Variants in LNP1 observed in about 807,000 individuals in gnomAD.
LNP1 encodes the protein leukemia NUP98 fusion partner 1.
In LNP1, 12 loss-of-function variants were observed where a neutral mutation model predicts 14.5. The observed-to-expected ratio is 0.83, with a 90% confidence interval of 0.53 to 1.34. LNP1 has a LOEUF of 1.34. Among genes scored for constraint, LNP1 ranks in the 40% most tolerant of loss-of-function variants. The pLI is 0.00. For missense variants in LNP1, 198 were observed against 210.9 expected, an observed-to-expected ratio of 0.94 and a Z score of 0.38; for synonymous variants, 75 against 71.4, an observed-to-expected ratio of 1.05 and a Z score of -0.26.
At position 100,421,825 on chromosome 3, in the gene LNP1, G is replaced by C. The variant is rs181321498; in HGVS notation, c.-33-7872G>C. Among the ~76,000 whole-genome samples, 190 of 152,216 alleles carry C rather than the reference G, an allele frequency of 1.2e-3. 1 individual carries two copies. The highest frequency in any genetic ancestry group is 2.0e-3 in the Non-Finnish European group (133 of 67,996). ...CATGTGATATTTGATCCTCAGAAAA[G>C]AATGTTATGGAGGTTCAAGTTTTTT... On this transcript the variant is annotated intron_variant, in intron 1 of 3. Transcript: ENST00000383693.
chr3:100,444,976 A>G (rs1707375213), intron 2 of LNP1, among the ~76,000 whole-genome samples: 1 of 152,156 alleles, frequency 6.6e-6, no homozygotes, highest in African/African-American at 2.4e-5. Context: ...TTGATGATTA[A>G]TTTATAGGGG....
rs966731010 is a variant in LNP1 at position 100,455,968 on chromosome 3, G to A, written c.*42G>A. 1 of 1,566,806 alleles carries A rather than the reference G, an allele frequency of 6.4e-7. No individual in the cohort carries two copies. On this transcript the variant is annotated 3_prime_UTR_variant, in exon 4 of 4. Transcript: ENST00000383693. Reference sequence around the variant, plus strand: ...CATGACATCAGATGCTACTGTTTTGGTTTTTTTCTTTGAGCCCCAATTCAC... The same window carrying A: ...CATGACATCAGATGCTACTGTTTTGATTTTTTTCTTTGAGCCCCAATTCAC...
chr3:100,412,096 A>G (rs1707036970), intron 1 of LNP1, among the ~76,000 whole-genome samples: 1 of 152,140 alleles, frequency 6.6e-6, no homozygotes, highest in African/African-American at 2.4e-5. Flanking sequence ...GCATGCTGAG[A>G]AGTATGGCGC....
intron 1 of LNP1, among the ~76,000 whole-genome samples, chr3:100,408,247 G>A (rs1706990103): frequency 6.6e-6 from 1 of 152,216 alleles, no homozygotes; most frequent in Non-Finnish European, 1.5e-5. Flanking sequence ...CTAACAGTAA[G>A]CCTGTCCAGA....
intron 1 of LNP1, among the ~76,000 whole-genome samples, chr3:100,411,910 T>C (rs1411442039): frequency 2.6e-5 from 4 of 152,144 alleles, no homozygotes; most frequent in Non-Finnish European, 5.9e-5. Context: ...CAGTCCATAA[T>C]AGTTAGCATA....
chr3:100,437,129 C>A (rs562185496), intron 2 of LNP1, among the ~76,000 whole-genome samples: 17 of 152,180 alleles, frequency 1.1e-4, no homozygotes, highest in Non-Finnish European at 2.1e-4. Flanking sequence ...ATTTTCATAA[C>A]AAGCATCATC....
chr3:100,410,028 T>A (rs1707014507), intron 1 of LNP1, among the ~76,000 whole-genome samples: 1 of 152,120 alleles, frequency 6.6e-6, no homozygotes, highest in Non-Finnish European at 1.5e-5. Flanking sequence ...ATAATTAGTC[T>A]TGTTTCTCTG....
At chr3:100,447,668 A>G (rs1707401186) in intron 2 of LNP1, among the ~76,000 whole-genome samples, 1 of 152,120 alleles carries the variant, frequency 6.6e-6, no homozygotes, top group Admixed American at 6.6e-5. Flanking sequence ...ACATGCTTAG[A>G]TTTTCTGGTT....
chr3:100,420,455 G>A (rs1157130611), intron 1 of LNP1, among the ~76,000 whole-genome samples: 2 of 152,096 alleles, frequency 1.3e-5, no homozygotes, highest in Non-Finnish European at 2.9e-5. Flanking sequence ...GGGACTACAG[G>A]TGCATGCCAC....
chr3:100,430,585 G>A (rs938795279), intron 2 of LNP1, among the ~76,000 whole-genome samples: 1 of 152,224 alleles, frequency 6.6e-6, no homozygotes, highest in African/African-American at 2.4e-5. Context: ...GTAGACATGT[G>A]TGTCCTGTGC....
chr3:100,444,860 A>G lies in LNP1; in HGVS notation c.157-6859A>G, dbSNP rs188866328. On this transcript the variant is annotated intron_variant, in intron 2 of 3. Transcript: ENST00000383693. ...AAGATATACCTTCCATAAGCCTTTG[A>G]AAACCTTTATAACCTTTATTAAGGC... 4.3e-3 allele frequency among the ~76,000 whole-genome samples: 659 copies of G among 152,368 alleles called. 2 individuals carry two copies. The highest frequency in any genetic ancestry group is 0.015 in the African/African-American group (626 of 41,586).
At position 100,451,832 on chromosome 3, in the gene LNP1, G is replaced by GCCACTCA; in HGVS notation, c.270_271insCCACTCA (p.Asp91ProfsTer21). ...TACGGGATTACAGAAAATACTCAGA[G>GCCACTCA]GATGGGTCATTCAAGGAGCCACTGG... On this transcript the variant is annotated frameshift_variant, in exon 3 of 4. Transcript: ENST00000383693. LOFTEE classifies it high-confidence loss of function. The GCCACTCA allele has an allele frequency of 1.7e-6, 2 of 1,165,012 alleles. No homozygotes were observed. The highest frequency in any genetic ancestry group is 3.5e-5 in the South Asian group (2 of 57,936). The allele number at this position is 1,165,012 out of a possible 1,614,324, so 72.2% of individuals were successfully genotyped here.
intron 3 of LNP1, among the ~76,000 whole-genome samples, chr3:100,455,544 C>T (rs1049592524): frequency 3.9e-5 from 6 of 152,196 alleles, no homozygotes; most frequent in African/African-American, 1.2e-4. Context: ...TAGGCATGTG[C>T]AGGTTGTACT....
chr3:100,422,902 A>G (rs575420105), intron 1 of LNP1, among the ~76,000 whole-genome samples: 4 of 149,070 alleles, frequency 2.7e-5, no homozygotes, highest in South Asian at 2.1e-4. Context: ...ATAAAAAATA[A>G]TGGTGATATA....
intron 2 of LNP1, among the ~76,000 whole-genome samples, chr3:100,430,410 A>C (rs1168329916): frequency 6.6e-6 from 1 of 152,226 alleles, no homozygotes; most frequent in Non-Finnish European, 1.5e-5. Flanking sequence ...TCCTGCCCTC[A>C]GCACTGTTTT....
At position 100,455,745 on chromosome 3, in the gene LNP1, AT is replaced by A. The variant is rs544792591; in HGVS notation, c.388-27del. On this transcript the variant is annotated intron_variant, in intron 3 of 3. Transcript: ENST00000383693. ...GTGGAGTGTTGTCAGCTGCTTGTGC[AT>A]TTTTACCTGTTTCTGATCTTTCCCT... 7.5e-5 allele frequency: 121 copies of A among 1,611,066 alleles called. 1 individual carries two copies. In the African/African-American group the frequency reaches 1.5e-3, roughly 19 times the overall value.
intron 1 of LNP1, among the ~76,000 whole-genome samples, chr3:100,427,788 T>C (rs1436344051): frequency 6.6e-6 from 1 of 152,224 alleles, no homozygotes; most frequent in African/African-American, 2.4e-5. Context: ...AAAAGTCTTG[T>C]TCCAGTGAAG....
intron 3 of LNP1, among the ~76,000 whole-genome samples, chr3:100,454,749 C>A (rs941378406): frequency 6.6e-6 from 1 of 152,184 alleles, no homozygotes; most frequent in Non-Finnish European, 1.5e-5. Flanking sequence ...TGATAAGAGA[C>A]CTTCATGACT....
At chr3:100,450,572 G>A (rs549723825) in intron 2 of LNP1, among the ~76,000 whole-genome samples, 2 of 152,058 alleles carry the variant, frequency 1.3e-5, no homozygotes, top group East Asian at 1.9e-4. Context: ...CCTGACCTCA[G>A]GTGATCCCTC....
Sources: allele counts gnomAD v4.1 joint callset (sites outside exome capture counted in the v4.1 genomes callset), GRCh38; gene constraint gnomAD v4.1.1; transcripts MANE v1.5; gene names NCBI Gene and HGNC (gene_info 2026-07-23, HGNC 2026-07-21).